Variants in EML2 observed in about 807,000 individuals in gnomAD.
The protein encoded by EML2 is EMAP like 2.
In EML2, 59 loss-of-function variants were observed where a neutral mutation model predicts 84.7. That is an observed-to-expected ratio of 0.70 (90% CI 0.56 to 0.86). The LOEUF (loss-of-function observed/expected upper bound fraction) is 0.86, where lower values mean the gene tolerates loss of function less well. EML2 is among the 40% of genes least tolerant of loss of function. The pLI is 0.00. For synonymous variants in EML2, 352 were observed against 348.9 expected, an observed-to-expected ratio of 1.01 and a Z score of -0.10; for missense variants, 818 against 855.6, an observed-to-expected ratio of 0.96 and a Z score of 0.55.
chr19:45,639,474 C>A, upstream of EML2: 2 of 1,188,080 alleles, frequency 1.7e-6, no homozygotes, highest in Non-Finnish European at 1.1e-6. Context: ...GCCCCTGCCC[C>A]GCCCTCCACA....
chr19:45,609,624 A>T lies in EML2; in HGVS notation c.*39T>A, dbSNP rs1307261162. 1.9e-6 allele frequency: 3 copies of T among 1,579,518 alleles called. No individual in the cohort carries two copies. Among genetic ancestry groups the T allele is most frequent in the Admixed American group, 3.8e-5 (2 of 52,014 alleles). Reference sequence around the variant, plus strand: ...TCGGCAATAGACATCTCCCGAAAATAGAATTCCTGCCCTGACACCTGACTC... The same window carrying T: ...TCGGCAATAGACATCTCCCGAAAATTGAATTCCTGCCCTGACACCTGACTC... On this transcript the variant is annotated 3_prime_UTR_variant, in exon 19 of 19. Coordinates refer to ENST00000245925, the MANE Select transcript of EML2 (RefSeq NM_012155.4).
chr19:45,614,824 A>C (rs1448951663), intron 16 of EML2, 124 bp from the exon 17 acceptor site: 2 of 734,938 alleles, frequency 2.7e-6, no homozygotes, highest in Admixed American at 4.4e-5. Flanking sequence ...GGCTCATTCT[A>C]CCTGTCAGGA....
At chr19:45,626,624 C>G in intron 8 of EML2, 81 bp downstream of exon 8, 1 of 1,500,906 alleles carries the variant, frequency 6.7e-7, no homozygotes, top group South Asian at 1.3e-5. Context: ...CTGCCACCCT[C>G]TGGGGGATCT....
At chr19:45,638,051 A>C (rs1359065871) in intron 3 of EML2, among the ~76,000 whole-genome samples, 1 of 152,116 alleles carries the variant, frequency 6.6e-6, no homozygotes, top group African/African-American at 2.4e-5. Flanking sequence ...GGTTCAAGTG[A>C]TCCACCCACC....
Position 45,630,052 on chromosome 19 carries a change from G to A in EML2, c.511-6C>T. The stretch of plus-strand genomic sequence containing the variant: ...CACAGCAGGTTGCCTCCATTCTAAA[G>A]AGGAGGAGAGAGGAGGGGGACAGAG... On this transcript the variant is annotated splice_region_variant and splice_polypyrimidine_tract_variant and intron_variant, in intron 6 of 18. Coordinates refer to ENST00000245925, the MANE Select transcript of EML2 (RefSeq NM_012155.4). 1 of 1,603,652 alleles carries A rather than the reference G, an allele frequency of 6.2e-7. No individual in the cohort carries two copies. The highest frequency in any genetic ancestry group is 8.5e-7 in the Non-Finnish European group (1 of 1,171,944).
At chr19:45,616,208 C>A (rs984068546) in intron 15 of EML2, 4 of 447,146 alleles carry the variant, frequency 8.9e-6, no homozygotes, top group Non-Finnish European at 1.5e-5. Flanking sequence ...GGTCTCGGAA[C>A]GTGAGGGGCG....
intron 7 of EML2, among the ~76,000 whole-genome samples, chr19:45,627,311 G>A (rs1164327683): frequency 1.3e-4 from 19 of 147,272 alleles, no homozygotes; most frequent in South Asian, 2.2e-4. Flanking sequence ...GCTGGAGTGC[G>A]GTAGCACAAT....
At chr19:45,628,382 AAAGT>A (rs1315909066) in intron 7 of EML2, among the ~76,000 whole-genome samples, 1 of 151,676 alleles carries the variant, frequency 6.6e-6, no homozygotes. Context: ...AGAAAAAAAA[AAAGT>A]GAGGCTCAGA....
upstream of EML2, chr19:45,645,551 C>T (rs150283203): frequency 1.2e-3 from 1,316 of 1,061,500 alleles, 8 homozygotes; most frequent in African/African-American, 0.017. Flanking sequence ...GCCAAGCCCC[C>T]CAACACAATC....
intron 3 of EML2, among the ~76,000 whole-genome samples, chr19:45,636,923 G>C (rs1337751053): frequency 2.6e-5 from 4 of 152,222 alleles, no homozygotes; most frequent in Admixed American, 6.5e-5. Flanking sequence ...CTCTAGCCTG[G>C]GTGTCTCAAA....
intron 15 of EML2, 105 bp from the exon 16 acceptor site, chr19:45,615,994 G>T: frequency 1.2e-6 from 1 of 817,562 alleles, no homozygotes. Context: ...GAGGTAGGGC[G>T]AGAACACAAG....
chr19:45,616,273 G>A, intron 15 of EML2, 188 bp downstream of exon 15: 1 of 583,534 alleles, frequency 1.7e-6, no homozygotes, highest in South Asian at 2.1e-5. Flanking sequence ...GTGGGGGCGG[G>A]GCTACACAAA....
chr19:45,631,006 C>A (rs1972964128), intron 6 of EML2, among the ~76,000 whole-genome samples: 1 of 151,996 alleles, frequency 6.6e-6, no homozygotes, highest in African/African-American at 2.4e-5. Flanking sequence ...CCACCACTGC[C>A]CTCCTAATTT....
Position 45,613,678 on chromosome 19 carries a change from G to A in EML2, c.1694-7C>T, listed in dbSNP as rs759736912. ...GCCCCCTCAGACCAGATCCCTGTGG[G>A]CAAGATGAAGGGAAGTGGTAAGATG... On this transcript the variant is annotated splice_region_variant and splice_polypyrimidine_tract_variant and intron_variant, in intron 17 of 18. Transcript: ENST00000245925. 5.0e-6 allele frequency: 8 copies of A among 1,610,650 alleles called. No individual in the cohort carries two copies. The highest frequency in any genetic ancestry group is 5.9e-6 in the Non-Finnish European group (7 of 1,177,488).
intron 3 of EML2, among the ~76,000 whole-genome samples, chr19:45,637,513 C>T (rs1392373544): frequency 7.7e-6 from 1 of 129,636 alleles, no homozygotes; most frequent in Non-Finnish European, 1.6e-5. Context: ...GAGTCTCGCT[C>T]TGTCGCCCAG....
At chr19:45,616,324 G>C (rs529627294) in intron 15 of EML2, 137 bp downstream of exon 15, 2 of 640,592 alleles carry the variant, frequency 3.1e-6, no homozygotes, top group Non-Finnish European at 5.4e-6. Context: ...ATGTGTGGAC[G>C]TGGCCAAGAC....
upstream of EML2, chr19:45,639,567 G>C (rs1040677870): frequency 4.2e-5 from 19 of 448,262 alleles, no homozygotes; most frequent in East Asian, 1.8e-4. Context: ...CGGGGTGGGT[G>C]GGGGAGAGTG....
In EML2 at chr19:45,624,536, G is replaced by T. The variant is rs1205741442; in HGVS notation, c.841+183C>A. Among the ~76,000 whole-genome samples the T allele has an allele frequency of 3.9e-5, 6 of 152,050 alleles. 1 individual carries two copies. Among genetic ancestry groups the T allele is most frequent in the Admixed American group, 3.9e-4 (6 of 15,250 alleles). ...TAACAAGGGATTTCCAGAGGGCAAG[G>T]CAGGGGGGAGTCAATAAAGATTTCC... On this transcript the variant is annotated intron_variant, in intron 9 of 18. Transcript: ENST00000245925.
At chr19:45,644,666 C>A, upstream of EML2, 1 of 455,952 alleles carries the variant, frequency 2.2e-6, no homozygotes. Flanking sequence ...CCTCACTTCC[C>A]ACTTTTCCCT....
Sources: gnomAD v4.1 joint callset for allele counts (sites outside exome capture counted in the v4.1 genomes callset) on GRCh38, gnomAD v4.1.1 for gene constraint, MANE v1.5 for transcripts, NCBI Gene and HGNC (gene_info 2026-07-23, HGNC 2026-07-21) for gene names.